The following SAMSN1 variants were observed in gnomAD, a reference collection of about 807,000 sequenced individuals.
SAMSN1 encodes SAM domain-containing protein SAMSN-1.
A neutral mutation model predicts 42.0 loss-of-function variants in SAMSN1; 31 were observed. The observed-to-expected ratio is 0.74, with a 90% CI of 0.55 to 1.00. SAMSN1 has a LOEUF of 1.00. Among genes scored for constraint, SAMSN1 ranks in the 50% least tolerant of loss-of-function variants. SAMSN1 has a pLI of 0.00. For missense variants in SAMSN1, 464 were observed against 439.4 expected, an observed-to-expected ratio of 1.06 and a Z score of -0.50; for synonymous variants, 178 against 151.9, an observed-to-expected ratio of 1.17 and a Z score of -1.26.
intron 1 of SAMSN1, among the ~76,000 whole-genome samples, chr21:14,538,288 C>G (rs1384055568): frequency 6.6e-6 from 1 of 152,050 alleles, no homozygotes; most frequent in Non-Finnish European, 1.5e-5. Flanking sequence ...GGCAAACATT[C>G]AACAAAAATT....
Position 14,512,568 on chromosome 21 carries a change from C to G in SAMSN1, c.285G>C (p.Glu95Asp). 2 of 1,613,846 alleles carry G rather than the reference C, an allele frequency of 1.2e-6. No homozygotes were observed. Among genetic ancestry groups the G allele is most frequent in the Non-Finnish European group, 1.7e-6 (2 of 1,179,772 alleles). Reference sequence around the variant, plus strand: ...ATGGGTGGGCATTCTCTCCATCTTCCTCATCCTTCAGAAAACATATCAGAG... The same window carrying G: ...ATGGGTGGGCATTCTCTCCATCTTCGTCATCCTTCAGAAAACATATCAGAG... ...YIKALSEEKDEEDGENAHPYR... is the reference protein window; with the variant it reads ...YIKALSEEKDDEDGENAHPYR... Residue 95 changes from glutamate (E) to aspartate (D), a missense_variant, in exon 4 of 8, where the codon GAG becomes GAC. Physicochemically the swap from Glu to Asp is conservative, Grantham distance 45. Coordinates refer to ENST00000400566, the MANE Select transcript of SAMSN1 (RefSeq NM_022136.5).
chr21:14,522,606 C>T (rs1229838049), intron 1 of SAMSN1, among the ~76,000 whole-genome samples: 1 of 152,086 alleles, frequency 6.6e-6, no homozygotes, highest in African/African-American at 2.4e-5. Context: ...ATCCACTTTA[C>T]CATAGGCTAC....
In SAMSN1 at chr21:14,546,123, T is replaced by C. The variant is rs539916858; in HGVS notation, c.57+82A>G. 2.7e-4 allele frequency: 319 copies of C among 1,194,106 alleles called. 2 individuals are homozygous for C. Among genetic ancestry groups the C allele is most frequent in the South Asian group, 1.9e-3 (145 of 76,464 alleles). The allele number at this position is 1,194,106 out of a possible 1,614,324, so 74.0% of individuals were successfully genotyped here. A position where few individuals can be genotyped will look rare whatever the true frequency, so the allele number is the denominator to read the frequency against. On this transcript the variant is annotated intron_variant, in intron 1 of 7. Transcript: ENST00000400566. ...GACTTATGACTGACAGATGAGAACA[T>C]TGTATGTGTTCAAACACACATATGT...
At chr21:14,648,168 C>A (rs1430392265) in intron 1 of SAMSN1, among the ~76,000 whole-genome samples, 1 of 151,902 alleles carries the variant, frequency 6.6e-6, no homozygotes, top group Non-Finnish European at 1.5e-5. Flanking sequence ...CCCATCAATA[C>A]CTAATTTATT....
chr21:14,657,781 C>T (rs113105183), intron 1 of SAMSN1, among the ~76,000 whole-genome samples: 5 of 151,820 alleles, frequency 3.3e-5, no homozygotes, highest in African/African-American at 1.2e-4. Flanking sequence ...AACAAGAACT[C>T]GATGATTCAG....
At chr21:14,642,640 T>C (rs779084851) in intron 2 of SAMSN1, among the ~76,000 whole-genome samples, 2 of 152,232 alleles carry the variant, frequency 1.3e-5, no homozygotes, top group Non-Finnish European at 2.9e-5. Context: ...GATTCAGATA[T>C]GTATCTGTTT....
intron 1 of SAMSN1, among the ~76,000 whole-genome samples, chr21:14,539,944 G>C (rs1400224320): frequency 1.5e-4 from 23 of 152,060 alleles, no homozygotes; most frequent in Admixed American, 1.5e-3. Context: ...CCAAAACAGA[G>C]ATATAGACCA....
intron 2 of SAMSN1, among the ~76,000 whole-genome samples, chr21:14,626,705 G>A (rs1351030387): frequency 6.6e-6 from 1 of 152,218 alleles, no homozygotes; most frequent in African/African-American, 2.4e-5. Context: ...CAACCATTGT[G>A]GAAGACAGTG....
At chr21:14,649,054 A>G (rs1264928536) in intron 1 of SAMSN1, among the ~76,000 whole-genome samples, 1 of 152,100 alleles carries the variant, frequency 6.6e-6, no homozygotes, top group African/African-American at 2.4e-5. Flanking sequence ...GATTAAGAAA[A>G]TGTGGCACAT....
chr21:14,583,799 T>C (rs1452499136), upstream of SAMSN1: 1 of 709,392 alleles, frequency 1.4e-6, no homozygotes, highest in Non-Finnish European at 2.6e-6. Context: ...CAGCTCAAGG[T>C]AAAGACAAAT....
intron 2 of SAMSN1, among the ~76,000 whole-genome samples, chr21:14,574,784 G>T (rs1356032815): frequency 1.3e-5 from 2 of 152,042 alleles, no homozygotes; most frequent in African/African-American, 4.8e-5. Context: ...GCACATTTAT[G>T]ATTTACTTCA....
At chr21:14,506,544 G>A (rs1987414947) in intron 5 of SAMSN1, among the ~76,000 whole-genome samples, 1 of 151,960 alleles carries the variant, frequency 6.6e-6, no homozygotes, top group African/African-American at 2.4e-5. Flanking sequence ...ATATTGAAAT[G>A]GTAATTTTAA....
intron 5 of SAMSN1, chr21:14,609,432 A>G (rs144902872): frequency 2.0e-4 from 145 of 716,286 alleles, no homozygotes; most frequent in African/African-American, 2.0e-3. Flanking sequence ...CCTGCCCTTT[A>G]AACTACTTTG....
intron 1 of SAMSN1, among the ~76,000 whole-genome samples, chr21:14,542,882 G>A (rs1980135297): frequency 6.6e-6 from 1 of 152,096 alleles, no homozygotes; most frequent in African/African-American, 2.4e-5. Context: ...AGGAGGTTAG[G>A]GTTAGGGTTA....
At chr21:14,646,441 A>T (rs1189973687) in intron 1 of SAMSN1, among the ~76,000 whole-genome samples, 1 of 152,186 alleles carries the variant, frequency 6.6e-6, no homozygotes, top group Non-Finnish European at 1.5e-5. Context: ...AAACATAAAG[A>T]AATAAAGACT....
At chr21:14,605,484 T>A (rs781063620) in intron 5 of SAMSN1, among the ~76,000 whole-genome samples, 19 of 152,238 alleles carry the variant, frequency 1.2e-4, no homozygotes, top group Non-Finnish European at 2.5e-4. Context: ...TAAAATTAAA[T>A]GTGTGTTTCC....
chr21:14,610,873 T>C (rs1982687894), intron 4 of SAMSN1, among the ~76,000 whole-genome samples: 1 of 152,230 alleles, frequency 6.6e-6, no homozygotes, highest in Non-Finnish European at 1.5e-5. Flanking sequence ...CTTTAACGTC[T>C]CTTGATAGCT....
At chr21:14,599,308 C>G (rs1394644062) in intron 6 of SAMSN1, among the ~76,000 whole-genome samples, 3 of 152,118 alleles carry the variant, frequency 2.0e-5, no homozygotes, top group Non-Finnish European at 4.4e-5. Flanking sequence ...TAATGAGTGA[C>G]TCTCATGAGA....
intron 1 of SAMSN1, among the ~76,000 whole-genome samples, chr21:14,526,998 C>T (rs1032512825): frequency 4.6e-5 from 7 of 152,254 alleles, no homozygotes; most frequent in Admixed American, 6.5e-5. Flanking sequence ...GGGTAAGGTG[C>T]TGGTGGAAAA....
Sources: allele counts gnomAD v4.1 joint callset (sites outside exome capture counted in the v4.1 genomes callset), GRCh38; gene constraint gnomAD v4.1.1; transcripts MANE v1.5; gene names NCBI Gene and HGNC (gene_info 2026-07-23, HGNC 2026-07-21).